RNF6: variants seen among roughly 807,000 people sequenced by gnomAD.
The protein encoded by RNF6 is E3 ubiquitin-protein ligase RNF6.
Under a neutral mutation model 50.1 loss-of-function variants are expected in RNF6, and 21 were observed. That is an observed-to-expected ratio of 0.42 (90% CI 0.30 to 0.60). RNF6 has a LOEUF of 0.60. Among genes scored for constraint, RNF6 ranks in the 20% least tolerant of loss-of-function variants. RNF6 has a pLI of 0.20. For synonymous variants in RNF6, 255 were observed against 291.8 expected (o/e 0.87, Z 1.29); for missense variants, 698 against 838.2 (o/e 0.83, Z 2.07).
chr13:26,161,520 G>T (rs1364133185), intron 5 of RNF6, among the ~76,000 whole-genome samples: 4 of 152,042 alleles, frequency 2.6e-5, no homozygotes, highest in Admixed American at 6.5e-5. Context: ...TTTTATTTTT[G>T]AAAATATTAC....
At chr13:26,174,500 A>AAT (rs949673999) in intron 5 of RNF6, among the ~76,000 whole-genome samples, 65 of 151,346 alleles carry the variant, frequency 4.3e-4, no homozygotes, top group Non-Finnish European at 8.1e-4. Context: ...AAAATACAAA[A>AAT]AAAAAATTAG....
intron 5 of RNF6, among the ~76,000 whole-genome samples, chr13:26,149,887 TATATATAC>T (rs377438045): frequency 0.13 from 13,969 of 106,632 alleles, 2,266 homozygotes; most frequent in Admixed American, 0.18. Context: ...TATATATATA[TATATATAC>T]ACACACACAG....
chr13:26,186,905 G>GT lies in RNF6; in HGVS notation n.768+28568dup, dbSNP rs1873576419. Among the ~76,000 whole-genome samples the GT allele has an allele frequency of 5.9e-5, 9 of 152,186 alleles. 1 individual carries two copies. In the South Asian group the frequency reaches 1.9e-3, roughly 32 times the overall value. On this transcript the variant is annotated intron_variant and non_coding_transcript_variant, in intron 5 of 5. Coordinates refer to the RNF6 transcript ENST00000468480. ...CCATTCTCCTGCCTCAGCCTCCCGA[G>GT]TAGCTGGGACTACAGGCGCCCGCCA... is the stretch of plus-strand genomic sequence containing the variant.
At chr13:26,209,119 C>T (rs1393585411), downstream of RNF6, among the ~76,000 whole-genome samples, 3 of 152,116 alleles carry the variant, frequency 2.0e-5, no homozygotes, top group African/African-American at 7.2e-5. Context: ...TCAAAAAGTC[C>T]CTAGCCTGCT....
In RNF6 at chr13:26,152,318, T is replaced by G. The variant is rs540720757; in HGVS notation, n.769-19867A>C. On this transcript the variant is annotated intron_variant and non_coding_transcript_variant, in intron 5 of 5. Coordinates refer to the RNF6 transcript ENST00000468480. ...CAAAAAGACGCCCAATGTTTCCAGT[T>G]TCCACGCGTTTGCTCACGCTGCGCG... Among the ~76,000 whole-genome samples, 5 of 152,342 alleles carry G rather than the reference T, an allele frequency of 3.3e-5. No homozygotes were observed. In the East Asian group the frequency reaches 9.6e-4, roughly 29 times the overall value.
intron 5 of RNF6, among the ~76,000 whole-genome samples, chr13:26,206,300 T>C (rs1424702289): frequency 6.6e-6 from 1 of 151,408 alleles, no homozygotes; most frequent in Non-Finnish European, 1.5e-5. Flanking sequence ...CAAGCCACCA[T>C]CTGCCTGGCA....
At chr13:26,186,638 C>G (rs1566426098) in intron 5 of RNF6, among the ~76,000 whole-genome samples, 1 of 152,272 alleles carries the variant, frequency 6.6e-6, no homozygotes, top group Non-Finnish European at 1.5e-5. Flanking sequence ...GTCTTCTCAG[C>G]TCTCACAGGG....
In RNF6 at chr13:26,214,035, G is replaced by A; in HGVS notation, c.1847C>T (p.Thr616Ile). 3.7e-6 allele frequency: 6 copies of A among 1,614,124 alleles called. No homozygotes were observed. Among genetic ancestry groups the A allele is most frequent in the Non-Finnish European group, 5.1e-6 (6 of 1,180,018 alleles). ...LTKEQIDNLS[T>I]RHYEHNSIDS... Reference sequence around the variant, plus strand: ...AATACTGTTATGCTCATAGTGCCTGGTGGAAAGATTGTCAATCTGCTCTTT... The same window carrying A: ...AATACTGTTATGCTCATAGTGCCTGATGGAAAGATTGTCAATCTGCTCTTT... The change falls in exon 5 of 5, where the codon ACC becomes ATC. Residue 616 changes from threonine (T) to isoleucine (I), a missense_variant. Transcript: ENST00000381588.
At chr13:26,172,605 G>A (rs554081370) in intron 5 of RNF6, among the ~76,000 whole-genome samples, 18 of 151,522 alleles carry the variant, frequency 1.2e-4, no homozygotes, top group Admixed American at 3.3e-4. Flanking sequence ...GTGCAGTGGC[G>A]CGATCTGGGC....
In RNF6 at chr13:26,215,401, C is replaced by G; in HGVS notation, c.481G>C (p.Gly161Arg). The G allele has an allele frequency of 3.1e-6, 5 of 1,614,146 alleles. No individual in the cohort carries two copies. Among genetic ancestry groups the G allele is most frequent in the Non-Finnish European group, 4.2e-6 (5 of 1,180,028 alleles). Reference sequence around the variant, plus strand: ...TAATCTTCTCCATGAATTTCAAATCCTCTATTTTCATGATTTACGTGGATT... The same window carrying G: ...TAATCTTCTCCATGAATTTCAAATCGTCTATTTTCATGATTTACGTGGATT... ...LEIHVNHENR[G>R]FEIHGEDYTD... Residue 161 changes from glycine (G) to arginine (R), a missense_variant, in exon 5 of 5, where the codon GGA (glycine) becomes CGA (arginine). By Grantham distance (125) the Gly-to-Arg change is moderately radical. Coordinates refer to ENST00000381588, the MANE Select transcript of RNF6 (RefSeq NM_005977.4).
At chr13:26,222,738 C>T (rs1870640955), upstream of RNF6, 1 of 152,324 alleles carries the variant, frequency 6.6e-6, no homozygotes, top group African/African-American at 2.4e-5. Context: ...CTCCAGCGAT[C>T]CTCCCTCCTC....
At chr13:26,180,487 C>T (rs911049800) in intron 5 of RNF6, among the ~76,000 whole-genome samples, 2 of 152,176 alleles carry the variant, frequency 1.3e-5, no homozygotes, top group Non-Finnish European at 2.9e-5. Context: ...ACCCAGGGAA[C>T]CACATGTCAC....
At chr13:26,166,682 G>A (rs1262789983) in intron 5 of RNF6, among the ~76,000 whole-genome samples, 1 of 152,192 alleles carries the variant, frequency 6.6e-6, no homozygotes, top group African/African-American at 2.4e-5. Context: ...CACTTTGGGA[G>A]GCTGAGGTGG....
chr13:26,175,838 T>A (rs1006677324), intron 5 of RNF6, among the ~76,000 whole-genome samples: 3 of 152,098 alleles, frequency 2.0e-5, no homozygotes, highest in Non-Finnish European at 2.9e-5. Context: ...ACAACAGAAA[T>A]GCCTGATTTT....
chr13:26,222,307 G>C lies in RNF6; in HGVS notation c.-406C>G, dbSNP rs1265453482. The C allele has an allele frequency of 6.6e-6, 1 of 152,306 alleles. No homozygotes were observed. The highest frequency in any genetic ancestry group is 1.5e-5 in the Non-Finnish European group (1 of 68,134). The allele number at this position is 152,306 out of a possible 1,614,324, so 9.4% of individuals were successfully genotyped here. A position where few individuals can be genotyped will look rare whatever the true frequency, so the allele number is the denominator to read the frequency against. On this transcript the variant is annotated 5_prime_UTR_variant, in exon 1 of 5. Transcript: ENST00000381588. Reference sequence around the variant, plus strand: ...TCCGCAGCCGGCCCGGAGCTCGCCCGTGCAACTGAAAACTGCGTCCGTCGG... The same window carrying C: ...TCCGCAGCCGGCCCGGAGCTCGCCCCTGCAACTGAAAACTGCGTCCGTCGG...
In RNF6 at chr13:26,214,078, GATC is replaced by G. The variant is rs757663274; in HGVS notation, c.1801_1803del (p.Asp601del). The stretch of plus-strand genomic sequence containing the variant: ...TGCTCTTTGGTTAAACCACGTATTC[GATC>G]ATCATCATCACTTTCATTTAGTAAA... On this transcript the variant is annotated inframe_deletion, in exon 5 of 5. Transcript: ENST00000381588. The G allele has an allele frequency of 3.1e-6, 5 of 1,613,962 alleles. No individual in the cohort carries two copies. The Admixed American group carries it at 5.0e-5, about 16-fold the overall frequency.
chr13:26,208,196 G>A (rs1270613336), downstream of RNF6, among the ~76,000 whole-genome samples: 1 of 152,176 alleles, frequency 6.6e-6, no homozygotes, highest in Non-Finnish European at 1.5e-5. Context: ...CTGGACTGGG[G>A]GAATACTCTA....
chr13:26,146,760 C>T (rs1566407284), intron 5 of RNF6, among the ~76,000 whole-genome samples: 1 of 152,170 alleles, frequency 6.6e-6, no homozygotes, highest in East Asian at 1.9e-4. Flanking sequence ...AAATTAAATG[C>T]ACAATGTCTG....
intron 5 of RNF6, among the ~76,000 whole-genome samples, chr13:26,147,334 T>A (rs1566407565): frequency 2.0e-5 from 3 of 152,240 alleles, no homozygotes. Context: ...GGAAGATTCA[T>A]GAGGAGAATG....
Sources: gnomAD v4.1 joint callset for allele counts (sites outside exome capture counted in the v4.1 genomes callset) on GRCh38, gnomAD v4.1.1 for gene constraint, MANE v1.5 for transcripts, NCBI Gene and HGNC (gene_info 2026-07-23, HGNC 2026-07-21) for gene names.